Variants in PCDHGB5 observed in about 807,000 individuals in gnomAD.
The protein encoded by PCDHGB5 is protocadherin gamma-B5.
A neutral mutation model predicts 62.9 loss-of-function variants in PCDHGB5; 48 were observed. The ratio of observed to expected loss-of-function variants is 0.76; its 90% confidence interval spans 0.61 to 0.97. The LOEUF (loss-of-function observed/expected upper bound fraction) is 0.97, where lower values mean the gene tolerates loss of function less well. Ranked by LOEUF, PCDHGB5 falls within the 50% of genes least tolerant of loss-of-function variation. The probability of loss-of-function intolerance (pLI) is 0.00; values close to 1 mark genes in which losing one functional copy is unlikely to be tolerated. For synonymous variants in PCDHGB5, 474 were observed against 511.2 expected (o/e 0.93, Z 0.98); for missense variants, 1,118 against 1,198.6 (o/e 0.93, Z 0.99).
At chr5:141,414,945 C>G in intron 1 of PCDHGB5, 2 of 1,614,098 alleles carry the variant, frequency 1.2e-6, no homozygotes, top group Non-Finnish European at 8.5e-7. Flanking sequence ...AGCCCGGCTA[C>G]CTGGTGACCA....
chr5:141,423,706 A>C (rs1045905298), intron 1 of PCDHGB5: 1 of 1,231,762 alleles, frequency 8.1e-7, no homozygotes, highest in Admixed American at 3.4e-5. Context: ...TCTTGGCACA[A>C]GTCTTTTAAG....
chr5:141,422,349 T>C (rs768693451), intron 1 of PCDHGB5: 95 of 1,554,604 alleles, frequency 6.1e-5, no homozygotes, highest in Non-Finnish European at 8.2e-5. Flanking sequence ...ATGTGCAAGA[T>C]CAAGATTCTG....
chr5:141,475,381 T>G (rs1182018899), intron 1 of PCDHGB5, among the ~76,000 whole-genome samples: 3 of 152,226 alleles, frequency 2.0e-5, no homozygotes, highest in Non-Finnish European at 4.4e-5. Flanking sequence ...ACTTTTAAAT[T>G]TTATAAGCCA....
chr5:141,422,472 G>A lies in PCDHGB5; in HGVS notation c.2397+21948G>A, dbSNP rs772474296. On this transcript the variant is annotated intron_variant, in intron 1 of 3. Transcript: ENST00000617380. ...CAAGCAGAGTGCTGGACAGGGAGTTGGTCCAGAGCTACAATATAACGTTGA... is the reference window on the plus strand; with the variant it reads ...CAAGCAGAGTGCTGGACAGGGAGTTAGTCCAGAGCTACAATATAACGTTGA... 75 of 1,613,562 alleles carry A rather than the reference G, an allele frequency of 4.6e-5. 3 individuals are homozygous for A. In the South Asian group the frequency reaches 8.1e-4, roughly 17 times the overall value.
At chr5:141,443,109 C>A (rs373919534) in intron 1 of PCDHGB5, among the ~76,000 whole-genome samples, 2 of 152,100 alleles carry the variant, frequency 1.3e-5, no homozygotes, top group South Asian at 2.1e-4. Flanking sequence ...CTGAACCTTG[C>A]TTTTCAAACC....
At chr5:141,437,652 A>T (rs899628392) in intron 1 of PCDHGB5, among the ~76,000 whole-genome samples, 1 of 152,196 alleles carries the variant, frequency 6.6e-6, no homozygotes, top group African/African-American at 2.4e-5. Context: ...AAGCAAACAC[A>T]TAGTTTCGAA....
At chr5:141,403,901 A>G in intron 1 of PCDHGB5, 3 of 1,613,926 alleles carry the variant, frequency 1.9e-6, no homozygotes, top group Non-Finnish European at 2.5e-6. Context: ...ATTTTATGAA[A>G]TGGAAATACA....
At chr5:141,419,529 A>G (rs2096395609) in intron 1 of PCDHGB5, 2 of 1,612,082 alleles carry the variant, frequency 1.2e-6, no homozygotes, top group Non-Finnish European at 1.7e-6. Context: ...GACCGTAACG[A>G]CAACGCACCG....
chr5:141,421,904 C>T (rs1561797509), intron 1 of PCDHGB5: 1 of 1,613,734 alleles, frequency 6.2e-7, no homozygotes, highest in Admixed American at 1.7e-5. Flanking sequence ...CGAAAGGGCG[C>T]AGTTCCCATT....
In PCDHGB5 at chr5:141,505,470, C is replaced by T. The variant is rs1241228956; in HGVS notation, c.2534C>T (p.Ala845Val). Reference protein sequence around the residue: ...DTEMLQAMILASASEAADGSS... With the variant: ...DTEMLQAMILVSASEAADGSS... ...GAGATGCTGCAAGCCATGATCTTGG[C>T]GTCCGCCAGTGGTAAGTGGTGTCAG... The change falls in exon 3 of 4, where the codon GCG becomes GTG. Residue 845 changes from alanine (A) to valine (V), a missense_variant. By Grantham distance (64) the Ala-to-Val change is moderately conservative. Around this residue, in one of 2 missense-constraint regions of PCDHGB5, gnomAD observed 1,034 missense variants for 1,029.1 expected, o/e 1.00. Transcript: ENST00000617380. 2 of 1,614,068 alleles carry T rather than the reference C, an allele frequency of 1.2e-6. No individual in the cohort carries two copies. Among genetic ancestry groups the T allele is most frequent in the Non-Finnish European group, 8.5e-7 (1 of 1,180,010 alleles).
At chr5:141,427,901 G>C (rs2097088177) in intron 1 of PCDHGB5, 6 of 1,572,234 alleles carry the variant, frequency 3.8e-6, no homozygotes, top group East Asian at 2.2e-5. Flanking sequence ...GCTCGCCCGC[G>C]CTCAGCGCCA....
At position 141,485,614 on chromosome 5, in the gene PCDHGB5, T is replaced by G; in HGVS notation, c.2398-9193T>G. 1 of 1,612,236 alleles carries G rather than the reference T, an allele frequency of 6.2e-7. No individual in the cohort carries two copies. Among genetic ancestry groups the G allele is most frequent in the Non-Finnish European group, 8.5e-7 (1 of 1,178,686 alleles). On this transcript the variant is annotated intron_variant, in intron 1 of 3. Transcript: ENST00000617380. The surrounding 1 kb of genome is among the most constrained non-coding windows in gnomAD (Gnocchi z 5.7). ...ACTTGGAAATTGGGGAGGCAGCTCC[T>G]CCAGGACAGCGTTTCCCGTTGGAAA...
Position 141,476,278 on chromosome 5 carries a change from T to C in PCDHGB5, c.2398-18529T>C, listed in dbSNP as rs746655724. On this transcript the variant is annotated intron_variant, in intron 1 of 3. Transcript: ENST00000617380. The surrounding 1 kb of genome is among the most constrained non-coding windows in gnomAD (Gnocchi z 7.6). ...CTGTGGGCAACGTGGTCGCGAACCTTGGTTTGGATCTCGGTAGCCTCTCAG... is the reference window on the plus strand; with the variant it reads ...CTGTGGGCAACGTGGTCGCGAACCTCGGTTTGGATCTCGGTAGCCTCTCAG... The C allele has an allele frequency of 3.2e-5, 52 of 1,613,758 alleles. No homozygotes were observed. Among genetic ancestry groups the C allele is most frequent in the Non-Finnish European group, 4.2e-5 (49 of 1,179,958 alleles).
chr5:141,505,324 G>A, intron 2 of PCDHGB5, 69 bp from the exon 3 acceptor site: 2 of 1,607,104 alleles, frequency 1.2e-6, no homozygotes, highest in African/African-American at 1.3e-5. Context: ...GGAGCCCTGG[G>A]AGAGGACAGG....
chr5:141,421,787 C>A (rs753196648), intron 1 of PCDHGB5: 1 of 1,613,812 alleles, frequency 6.2e-7, no homozygotes, highest in East Asian at 2.2e-5. Flanking sequence ...CGGGGCAGAA[C>A]GGATGGGGCC....
intron 1 of PCDHGB5, chr5:141,415,543 G>A (rs1561758242): frequency 6.2e-7 from 1 of 1,614,130 alleles, no homozygotes; most frequent in East Asian, 2.2e-5. Context: ...GGAGAGCTGT[G>A]AGAAAAACGA....
chr5:141,411,017 A>T lies in PCDHGB5; in HGVS notation c.2397+10493A>T, dbSNP rs140607036. ...TACTGGTGCCCCTCACCACAGCTAA[A>T]TTTTTTGTATTTTTAGTAGACATGG... On this transcript the variant is annotated intron_variant, in intron 1 of 3. Transcript: ENST00000617380. 3.9e-3 allele frequency: 631 copies of T among 162,486 alleles called. 5 individuals are homozygous for T. Among genetic ancestry groups the T allele is most frequent in the Admixed American group, 0.011 (172 of 16,000 alleles). 10.1% of individuals were successfully genotyped at this position (162,486 alleles called of 1,614,324 possible).
intron 2 of PCDHGB5, among the ~76,000 whole-genome samples, chr5:141,500,259 A>G (rs1595658540): frequency 6.6e-6 from 1 of 151,044 alleles, no homozygotes; most frequent in East Asian, 2.0e-4. Context: ...CCCAGGCTGG[A>G]CTGCAGTGGC....
Position 141,477,198 on chromosome 5 carries a change from TACCCGAGGATG to T in PCDHGB5, c.2398-17608_2398-17598del. 6.2e-7 allele frequency: 1 copy of T among 1,614,194 alleles called. No homozygotes were observed. The highest frequency in any genetic ancestry group is 2.2e-5 in the East Asian group (1 of 44,874). On this transcript the variant is annotated intron_variant, in intron 1 of 3. Transcript: ENST00000617380. The surrounding 1 kb of genome is among the most constrained non-coding windows in gnomAD (Gnocchi z 4.9). ...ACAGTCACCTCCGTGTACAGCCCAG[TACCCGAGGATG>T]CCCCTCTGGGGACTGTCATCGCTTT...
Sources: gnomAD v4.1 joint callset for allele counts (sites outside exome capture counted in the v4.1 genomes callset) on GRCh38, gnomAD v4.1.1 for gene constraint, gnomAD v4.1.1 regional missense constraint, Gnocchi (gnomAD v3.1) non-coding constraint, MANE v1.5 for transcripts, NCBI Gene and HGNC (gene_info 2026-07-23, HGNC 2026-07-21) for gene names.